Variants in ABCG8 observed in about 807,000 individuals in gnomAD.
The protein encoded by ABCG8 is ATP-binding cassette sub-family G member 8.
In ABCG8, 81 loss-of-function variants were observed where a neutral mutation model predicts 71.3. The observed-to-expected ratio is 1.14, with a 90% CI of 0.95 to 1.37. ABCG8 has a LOEUF of 1.37. Among genes scored for constraint, ABCG8 ranks in the 40% most tolerant of loss-of-function variants. The probability of loss-of-function intolerance (pLI) is 0.00; values close to 1 mark genes in which losing one functional copy is unlikely to be tolerated. For missense variants in ABCG8, 1,119 were observed against 866.2 expected (o/e 1.29, Z -3.66); for synonymous variants, 451 against 354.7 (o/e 1.27, Z -3.05).
chr2:43,839,186 C>A (rs1668470111), intron 1 of ABCG8, 70 bp downstream of exon 1: 1 of 1,490,572 alleles, frequency 6.7e-7, no homozygotes, highest in Non-Finnish European at 9.1e-7. Flanking sequence ...TTCTCTCTTC[C>A]CTCAGGAGCC....
intron 1 of ABCG8, among the ~76,000 whole-genome samples, chr2:43,844,071 G>A (rs1016508699): frequency 3.3e-5 from 5 of 152,198 alleles, no homozygotes; most frequent in Admixed American, 6.5e-5. Context: ...CAAGTGTCAT[G>A]TCTGTTTGGC....
At position 43,881,592 on chromosome 2, in the gene ABCG8, C is replaced by T. The variant is rs977119379; in HGVS notation, c.*3679C>T. The T allele has an allele frequency of 6.6e-6, 1 of 152,090 alleles. No homozygotes were observed. Among genetic ancestry groups the T allele is most frequent in the Non-Finnish European group, 1.5e-5 (1 of 68,084 alleles). The allele number at this position is 152,090 out of a possible 1,614,324, so 9.4% of individuals were successfully genotyped here. ...GGCATGGTAGTGCGTGCCTGTAGTTCCAGCTACTTGGGAGGTTGAGGCAGG... is the reference window on the plus strand; with the variant it reads ...GGCATGGTAGTGCGTGCCTGTAGTTTCAGCTACTTGGGAGGTTGAGGCAGG... On this transcript the variant is annotated 3_prime_UTR_variant, in exon 13 of 13. Coordinates refer to ENST00000272286, the MANE Select transcript of ABCG8 (RefSeq NM_022437.3).
Position 43,850,184 on chromosome 2 carries a change from C to T in ABCG8, c.323-1400C>T, listed in dbSNP as rs77673991. Among the ~76,000 whole-genome samples the T allele has an allele frequency of 9.8e-3, 1,491 of 152,150 alleles. 14 individuals are homozygous for T. The highest frequency in any genetic ancestry group is 0.015 in the Non-Finnish European group (1,015 of 68,008). On this transcript the variant is annotated intron_variant, in intron 3 of 12. Coordinates refer to ENST00000272286, the MANE Select transcript of ABCG8 (RefSeq NM_022437.3). ...GGCTGCAGTGCTCCAGCCTGGGCCA[C>T]AGAGGGAGACCCCATCTCCAAAACA... is the stretch of plus-strand genomic sequence containing the variant.
At chr2:43,865,835 A>G (rs1460216896) in intron 6 of ABCG8, among the ~76,000 whole-genome samples, 1 of 150,776 alleles carries the variant, frequency 6.6e-6, no homozygotes, top group East Asian at 2.0e-4. Flanking sequence ...ATCTCTCACT[A>G]TCTATCTGGA....
intron 10 of ABCG8, among the ~76,000 whole-genome samples, chr2:43,874,933 C>G (rs2104948654): frequency 6.6e-6 from 1 of 152,200 alleles, no homozygotes; most frequent in African/African-American, 2.4e-5. Context: ...CTGGGGGAAA[C>G]AGGCTGAACT....
rs111469696 is a variant in ABCG8 at position 43,840,325 on chromosome 2, C to T, written c.63+1209C>T. Among the ~76,000 whole-genome samples, 456 of 152,302 alleles carry T rather than the reference C, an allele frequency of 3.0e-3. 3 individuals carry two copies. The highest frequency in any genetic ancestry group is 0.011 in the African/African-American group (443 of 41,548). On this transcript the variant is annotated intron_variant, in intron 1 of 12. Coordinates refer to ENST00000272286, the MANE Select transcript of ABCG8 (RefSeq NM_022437.3). Reference sequence around the variant, plus strand: ...GAATACCCTGTGGGGCCCACCACTTCGGGAAATGTTTAAAGCCTGAATAGA... The same window carrying T: ...GAATACCCTGTGGGGCCCACCACTTTGGGAAATGTTTAAAGCCTGAATAGA...
Position 43,878,401 on chromosome 2 carries a change from T to C in ABCG8, c.*488T>C. On this transcript the variant is annotated 3_prime_UTR_variant, in exon 13 of 13. Transcript: ENST00000272286. ...GATGTACCAGCAAGATGCCATCCCT[T>C]CTTTTTGTGTGGGGTCATGGGCTCC... 1 of 233,022 alleles carries C rather than the reference T, an allele frequency of 4.3e-6. No homozygotes were observed. Among genetic ancestry groups the C allele is most frequent in the Non-Finnish European group, 8.6e-6 (1 of 115,726 alleles). 14.4% of individuals were successfully genotyped at this position (233,022 alleles called of 1,614,324 possible).
Position 43,846,171 on chromosome 2 carries a change from A to G in ABCG8, c.182A>G (p.Gln61Arg). The G allele has an allele frequency of 6.2e-7, 1 of 1,613,652 alleles. No homozygotes were observed. The highest frequency in any genetic ancestry group is 8.5e-7 in the Non-Finnish European group (1 of 1,180,016). ...DLNYQVDLAS[Q>R]VPWFEQLAQF... ...TCCCCACAGGTGGACCTGGCCTCTC[A>G]GGTCCCTTGGTTTGAGCAGCTGGCT... is the stretch of plus-strand genomic sequence containing the variant. Residue 61 changes from glutamine (Q) to arginine (R), a missense_variant, in exon 3 of 13, where the codon CAG becomes CGG. By Grantham distance (43) the Gln-to-Arg change is conservative. Coordinates refer to ENST00000272286, the MANE Select transcript of ABCG8 (RefSeq NM_022437.3).
intron 8 of ABCG8, 104 bp downstream of exon 8, chr2:43,872,410 G>A: frequency 3.0e-6 from 4 of 1,336,128 alleles, no homozygotes; most frequent in Non-Finnish European, 4.2e-6. Flanking sequence ...GAAAGTGAGA[G>A]GTAGAGTCAT....
Position 43,851,834 on chromosome 2 carries a change from G to T in ABCG8, c.561+12G>T. 6.2e-7 allele frequency: 1 copy of T among 1,613,590 alleles called. No individual in the cohort carries two copies. The highest frequency in any genetic ancestry group is 2.2e-5 in the East Asian group (1 of 44,884). The stretch of plus-strand genomic sequence containing the variant: ...AGCGTGACAAAAGGGTAACTAACTG[G>T]CCCCAGTGGTGACCCCCAGGTCCAA... On this transcript the variant is annotated intron_variant, in intron 4 of 12. Coordinates refer to ENST00000272286, the MANE Select transcript of ABCG8 (RefSeq NM_022437.3).
rs1049825682 is a variant in ABCG8, at chr2:43,882,316, T to C, written c.*4403T>C. 5.9e-5 allele frequency: 9 copies of C among 152,232 alleles called. No individual in the cohort carries two copies. The highest frequency in any genetic ancestry group is 2.2e-4 in the African/African-American group (9 of 41,446). 9.4% of individuals were successfully genotyped at this position (152,232 alleles called of 1,614,324 possible). A position where few individuals can be genotyped will look rare whatever the true frequency, so the allele number is the denominator to read the frequency against. On this transcript the variant is annotated 3_prime_UTR_variant, in exon 13 of 13. Transcript: ENST00000272286. ...ACAACTAGCAACAGAAATGTTCAAA[T>C]CTGTCAAATCCAAGTGTTAACAGAC...
chr2:43,873,294 T>A (rs909807457), intron 8 of ABCG8, among the ~76,000 whole-genome samples: 3 of 151,984 alleles, frequency 2.0e-5, no homozygotes, highest in Non-Finnish European at 4.4e-5. Flanking sequence ...GTTCAAGTGA[T>A]TCTCCTGCCT....
At chr2:43,849,562 G>C (rs1368422304) in intron 3 of ABCG8, among the ~76,000 whole-genome samples, 1 of 152,162 alleles carries the variant, frequency 6.6e-6, no homozygotes, top group Non-Finnish European at 1.5e-5. Context: ...TGGGGACACA[G>C]AGCCAAACCA....
At chr2:43,864,337 A>C (rs896170907) in intron 6 of ABCG8, among the ~76,000 whole-genome samples, 1 of 149,840 alleles carries the variant, frequency 6.7e-6, no homozygotes, top group South Asian at 2.1e-4. Flanking sequence ...TAGAATTTTC[A>C]CTCTCTGGAT....
At position 43,878,192 on chromosome 2, in the gene ABCG8, A is replaced by T. The variant is rs1339347391; in HGVS notation, c.*279A>T. Reference sequence around the variant, plus strand: ...AACGTTGCTAATTTATTTCCTTTTGATATGCATTTATATAGGCAACTCGAT... The same window carrying T: ...AACGTTGCTAATTTATTTCCTTTTGTTATGCATTTATATAGGCAACTCGAT... On this transcript the variant is annotated 3_prime_UTR_variant, in exon 13 of 13. Coordinates refer to ENST00000272286, the MANE Select transcript of ABCG8 (RefSeq NM_022437.3). 8.5e-6 allele frequency: 4 copies of T among 471,278 alleles called. 1 individual carries two copies. The highest frequency in any genetic ancestry group is 8.1e-5 in the South Asian group (4 of 49,130). The allele number at this position is 471,278 out of a possible 1,614,324, so 29.2% of individuals were successfully genotyped here.
intron 1 of ABCG8, among the ~76,000 whole-genome samples, chr2:43,841,786 A>G (rs1288110721): frequency 6.6e-6 from 1 of 152,114 alleles, no homozygotes; most frequent in Non-Finnish European, 1.5e-5. Context: ...AGTGGAACCC[A>G]GTTGGGCTGC....
rs918164671 is a variant in ABCG8 at position 43,873,976 on chromosome 2, C to T, written c.1401C>T (p.Val467=). 6.2e-7 allele frequency: 1 copy of T among 1,614,010 alleles called. No individual in the cohort carries two copies. The highest frequency in any genetic ancestry group is 8.5e-7 in the Non-Finnish European group (1 of 1,180,036). The change falls in exon 9 of 13, where the codon GTC becomes GTT. Residue 467 remains valine (V), a synonymous_variant. Transcript: ENST00000272286. ...TCCCTTTCAACGTCATTCTGGATGTCATCTCCAAATGTGAGTGTGGCCCAC... is the reference window on the plus strand; with the variant it reads ...TCCCTTTCAACGTCATTCTGGATGTTATCTCCAAATGTGAGTGTGGCCCAC... ...ALIPFNVILD[V]ISKCYSERAM...
intron 6 of ABCG8, among the ~76,000 whole-genome samples, chr2:43,863,664 AG>A (rs976486822): frequency 2.9e-4 from 44 of 151,650 alleles, no homozygotes; most frequent in African/African-American, 1.0e-3. Flanking sequence ...CTATCTTGAT[AG>A]AATTCTCACC....
intron 6 of ABCG8, among the ~76,000 whole-genome samples, chr2:43,854,771 A>C (rs935476481): frequency 6.6e-6 from 1 of 151,984 alleles, no homozygotes; most frequent in African/African-American, 2.4e-5. Flanking sequence ...GGGTATAGGG[A>C]GATCCTGGCT....
Sources: allele counts gnomAD v4.1 joint callset (sites outside exome capture counted in the v4.1 genomes callset), GRCh38; gene constraint gnomAD v4.1.1; transcripts MANE v1.5; gene names NCBI Gene and HGNC (gene_info 2026-07-23, HGNC 2026-07-21).